Variants in MBTPS2 observed in about 807,000 individuals in gnomAD.
MBTPS2 encodes membrane-bound transcription factor site-2 protease.
In MBTPS2, 2 loss-of-function variants were observed where a neutral mutation model predicts 35.4. The observed-to-expected ratio is 0.06, with a 90% CI of 0.02 to 0.18. MBTPS2 has a LOEUF of 0.18. Ranked by LOEUF, MBTPS2 falls within the 10% of genes least tolerant of loss-of-function variation. The pLI is 1.00. For missense variants in MBTPS2, 244 were observed against 386.5 expected (o/e 0.63, Z 3.09); for synonymous variants, 125 against 140.4 (o/e 0.89, Z 0.77).
intron 9 of MBTPS2, among the ~76,000 whole-genome samples, chrX:21,879,946 A>ATTTTTTTTTTTTTTTTTT (rs1569329172): frequency 2.5e-5 from 1 of 40,535 alleles, no homozygotes. Context: ...GTTTTATGTT[A>ATTTTTTTTTTTTTTTTTT]TTCTTTTTTT....
At chrX:21,856,567 A>G (rs768359994) in intron 5 of MBTPS2, 1 of 1,211,944 alleles carries the variant, frequency 8.3e-7, no homozygotes, top group Non-Finnish European at 1.1e-6. Context: ...ATCAATGTGG[A>G]GCCCCTTCCT....
intron 2 of MBTPS2, among the ~76,000 whole-genome samples, chrX:21,843,725 G>A (rs776504913): frequency 6.5e-4 from 73 of 112,019 alleles, no homozygotes; most frequent in African/African-American, 1.9e-3. Flanking sequence ...AGCATACAAA[G>A]TGGAAAGAAG....
chrX:21,845,445 G>A, intron 3 of MBTPS2, 61 bp downstream of exon 3: 4 of 1,047,323 alleles, frequency 3.8e-6, no homozygotes, highest in Non-Finnish European at 5.2e-6. Context: ...TACCACTTAT[G>A]ATCTAGTGTA....
chrX:21,867,787 C>T (rs1429767179), intron 5 of MBTPS2, among the ~76,000 whole-genome samples: 2 of 109,784 alleles, frequency 1.8e-5, no homozygotes, highest in South Asian at 3.9e-4. Flanking sequence ...TACAGACGCG[C>T]GCCACCATGC....
chrX:21,863,821 A>T (rs1211898501), intron 5 of MBTPS2, among the ~76,000 whole-genome samples: 2 of 111,996 alleles, frequency 1.8e-5, no homozygotes, highest in Non-Finnish European at 3.8e-5. Context: ...AGCCTAGTAG[A>T]CAGCTGAACA....
chrX:21,862,919 C>CAT (rs1259255664), intron 5 of MBTPS2, among the ~76,000 whole-genome samples: 8 of 40,356 alleles, frequency 2.0e-4, no homozygotes, highest in South Asian at 3.4e-3. Flanking sequence ...AATATATAAA[C>CAT]ATATATATAT....
intron 5 of MBTPS2, chrX:21,856,556 C>T (rs1007833251): frequency 3.3e-6 from 4 of 1,211,575 alleles, no homozygotes; most frequent in Admixed American, 4.3e-5. Context: ...AGCTCCACGA[C>T]ATCAATGTGG....
chrX:21,868,336 G>C, intron 5 of MBTPS2, 131 bp from the exon 6 acceptor site: 1 of 556,991 alleles, frequency 1.8e-6, no homozygotes, highest in Non-Finnish European at 3.3e-6. Context: ...CTAATAAGTA[G>C]ATATTTTTGC....
intron 5 of MBTPS2, chrX:21,857,037 G>C: frequency 8.3e-7 from 1 of 1,211,863 alleles, no homozygotes; most frequent in Non-Finnish European, 1.1e-6. Context: ...TGAGTTTTCC[G>C]TGACTATGTG....
chrX:21,865,175 CT>C (rs1274740108), intron 5 of MBTPS2, among the ~76,000 whole-genome samples: 2 of 106,646 alleles, frequency 1.9e-5, no homozygotes, highest in Non-Finnish European at 3.9e-5. Flanking sequence ...TGAGCTAGAG[CT>C]ACCACACGGG....
chrX:21,849,108 C>T (rs1048522269), intron 3 of MBTPS2, among the ~76,000 whole-genome samples: 4 of 111,504 alleles, frequency 3.6e-5, no homozygotes, highest in Non-Finnish European at 7.5e-5. Flanking sequence ...GATGAACCGA[C>T]GTGAATATGT....
chrX:21,857,447 C>T (rs766344828), intron 5 of MBTPS2: 8 of 1,211,976 alleles, frequency 6.6e-6, no homozygotes, highest in Non-Finnish European at 8.9e-6. Flanking sequence ...GCGGGAAACG[C>T]TTTTCCCTTG....
chrX:21,851,952 T>G (rs909148436), intron 4 of MBTPS2, among the ~76,000 whole-genome samples: 10 of 112,100 alleles, frequency 8.9e-5, no homozygotes, highest in South Asian at 3.7e-4. Context: ...TGATAACCAC[T>G]GTACTCAAAA....
intron 7 of MBTPS2, chrX:21,873,197 G>T (rs1309666485): frequency 9.0e-6 from 1 of 111,604 alleles, no homozygotes. Flanking sequence ...AAGGTTAAAC[G>T]GCCTTTTGGG....
intron 3 of MBTPS2, among the ~76,000 whole-genome samples, chrX:21,850,332 T>A (rs1183931867): frequency 1.8e-5 from 2 of 111,364 alleles, no homozygotes; most frequent in Non-Finnish European, 1.9e-5. Flanking sequence ...AAAAGTATAG[T>A]TTTTAAAATT....
chrX:21,859,387 A>G (rs2092928426), intron 5 of MBTPS2, among the ~76,000 whole-genome samples: 1 of 79,305 alleles, frequency 1.3e-5, no homozygotes, highest in Admixed American at 1.7e-4. Context: ...ATTAGATGTT[A>G]ACACATCTTG....
At chrX:21,840,708 C>T (rs1027542240) in intron 1 of MBTPS2, among the ~76,000 whole-genome samples, 9 of 112,128 alleles carry the variant, frequency 8.0e-5, no homozygotes, top group Admixed American at 2.8e-4. Flanking sequence ...GTTATGAATA[C>T]CATTTAAAAT....
At chrX:21,881,489 A>G (rs1309293447) in intron 10 of MBTPS2, among the ~76,000 whole-genome samples, 1 of 112,229 alleles carries the variant, frequency 8.9e-6, no homozygotes, top group Non-Finnish European at 1.9e-5. Context: ...GAATTTTTTC[A>G]TATTAATTAT....
chrX:21,847,190 TTGTTTAGA>T (rs1403791721), intron 3 of MBTPS2, among the ~76,000 whole-genome samples: 1 of 111,723 alleles, frequency 9.0e-6, no homozygotes, highest in African/African-American at 3.3e-5. Context: ...TGGCAAAACG[TTGTTTAGA>T]GAAGAAATTA....
Sources: gnomAD v4.1 joint callset for allele counts (sites outside exome capture counted in the v4.1 genomes callset) on GRCh38, gnomAD v4.1.1 for gene constraint, MANE v1.5 for transcripts, NCBI Gene and HGNC (gene_info 2026-07-23, HGNC 2026-07-21) for gene names.